Variants in DTL observed in about 807,000 individuals in gnomAD.
DTL encodes the protein denticleless protein homolog.
Under a neutral mutation model 87.0 loss-of-function variants are expected in DTL, and 46 were observed. The observed-to-expected ratio is 0.53, with a 90% CI of 0.42 to 0.68. DTL has a LOEUF of 0.68. DTL is among the 30% of genes least tolerant of loss of function. The pLI, the probability that DTL is intolerant of heterozygous loss-of-function variation, is 0.00. For missense variants in DTL, 737 were observed against 869.4 expected (o/e 0.85, Z 1.91); for synonymous variants, 308 against 311.2 (o/e 0.99, Z 0.11).
chr1:212,045,500 TAAG>T (rs1667781848), intron 3 of DTL, among the ~76,000 whole-genome samples: 2 of 152,206 alleles, frequency 1.3e-5, no homozygotes, highest in South Asian at 4.1e-4. Context: ...GTTCTAACCT[TAAG>T]AAGCTGATAA....
chr1:212,103,231 T>G lies in DTL; in HGVS notation c.*291T>G, dbSNP rs1655675085. On this transcript the variant is annotated 3_prime_UTR_variant, in exon 15 of 15. Coordinates refer to ENST00000366991, the MANE Select transcript of DTL (RefSeq NM_016448.4). ...GTCTTCACTTTTTAAATTATTCATCTTCTCTATAATAATGACATCCCAGTT... is the reference window on the plus strand; with the variant it reads ...GTCTTCACTTTTTAAATTATTCATCGTCTCTATAATAATGACATCCCAGTT... 5.6e-6 allele frequency: 1 copy of G among 177,210 alleles called. No homozygotes were observed. Among genetic ancestry groups the G allele is most frequent in the African/African-American group, 2.4e-5 (1 of 42,326 alleles). 11.0% of individuals were successfully genotyped at this position (177,210 alleles called of 1,614,324 possible).
chr1:212,070,253 A>G (rs7551276), intron 10 of DTL, among the ~76,000 whole-genome samples: 145,245 of 152,244 alleles, frequency 0.95, 69,347 homozygotes, highest in East Asian at 1. Context: ...AACCTTTTCT[A>G]TGCTTCTATT....
chr1:212,086,702 T>A (rs1025432548), intron 13 of DTL, among the ~76,000 whole-genome samples: 2 of 152,242 alleles, frequency 1.3e-5, no homozygotes, highest in African/African-American at 4.8e-5. Flanking sequence ...GTACTTTCTA[T>A]GTTATCTTTT....
At chr1:212,085,255 C>A (rs1655099653) in intron 13 of DTL, among the ~76,000 whole-genome samples, 1 of 152,160 alleles carries the variant, frequency 6.6e-6, no homozygotes, top group Non-Finnish European at 1.5e-5. Flanking sequence ...TCTAGAATAT[C>A]TTCAACACCT....
At chr1:212,049,162 A>G (rs1223793201) in intron 5 of DTL, among the ~76,000 whole-genome samples, 1 of 152,168 alleles carries the variant, frequency 6.6e-6, no homozygotes, top group Non-Finnish European at 1.5e-5. Flanking sequence ...ACCTCAAGTG[A>G]TCTGCCCGCA....
At chr1:212,063,331 C>G (rs928688960) in intron 6 of DTL, among the ~76,000 whole-genome samples, 1 of 150,818 alleles carries the variant, frequency 6.6e-6, no homozygotes, top group African/African-American at 2.4e-5. Flanking sequence ...CTCTGTCACC[C>G]AGGCTGGAGT....
chr1:212,054,083 C>A (rs919506182), intron 5 of DTL, among the ~76,000 whole-genome samples: 3 of 152,194 alleles, frequency 2.0e-5, no homozygotes, highest in Non-Finnish European at 4.4e-5. Context: ...AAGACTGTCA[C>A]ACCTACAGGA....
At chr1:212,060,392 G>A (rs1007372461) in intron 5 of DTL, among the ~76,000 whole-genome samples, 2 of 152,038 alleles carry the variant, frequency 1.3e-5, no homozygotes, top group Non-Finnish European at 2.9e-5. Context: ...GGAAAACTGG[G>A]TATCCACATG....
At position 212,035,784 on chromosome 1, in the gene DTL, G is replaced by T; in HGVS notation, c.-107G>T. On this transcript the variant is annotated 5_prime_UTR_variant, in exon 1 of 15. Transcript: ENST00000366991. ...GCCGGGGCTTACAGTGGCGGGAGTTGGAGGCGATAACGATTTGTGTTGTGA... is the reference window on the plus strand; with the variant it reads ...GCCGGGGCTTACAGTGGCGGGAGTTTGAGGCGATAACGATTTGTGTTGTGA... 9.5e-7 allele frequency: 1 copy of T among 1,050,468 alleles called. No individual in the cohort carries two copies. 65.1% of individuals were successfully genotyped at this position (1,050,468 alleles called of 1,614,324 possible).
chr1:212,057,780 G>C (rs2970598), intron 5 of DTL, among the ~76,000 whole-genome samples: 6,593 of 152,104 alleles, frequency 0.043, 191 homozygotes, highest in African/African-American at 0.074. Flanking sequence ...CATTTGAAAA[G>C]TACAGACTGG....
At chr1:212,096,873 TG>T (rs1655467334) in intron 13 of DTL, among the ~76,000 whole-genome samples, 1 of 152,236 alleles carries the variant, frequency 6.6e-6, no homozygotes, top group South Asian at 2.1e-4. Flanking sequence ...TAGAATGTTC[TG>T]TAAATACCTG....
intron 2 of DTL, among the ~76,000 whole-genome samples, chr1:212,043,461 G>A (rs982949441): frequency 2.6e-5 from 4 of 152,066 alleles, no homozygotes; most frequent in Non-Finnish European, 5.9e-5. Flanking sequence ...GTGACTCATT[G>A]GGGAATATAT....
chr1:212,085,952 G>A (rs1368941131), intron 13 of DTL, among the ~76,000 whole-genome samples: 1 of 152,096 alleles, frequency 6.6e-6, no homozygotes, highest in Non-Finnish European at 1.5e-5. Context: ...AAATGTGAGG[G>A]TTTATTTCTG....
At chr1:212,044,243 C>A (rs1254293643) in intron 2 of DTL, among the ~76,000 whole-genome samples, 1 of 152,142 alleles carries the variant, frequency 6.6e-6, no homozygotes, top group Admixed American at 6.5e-5. Context: ...TTAAGTACTA[C>A]CCTCGATTTA....
chr1:212,049,873 A>G (rs1448904673), intron 5 of DTL, among the ~76,000 whole-genome samples: 1 of 150,440 alleles, frequency 6.6e-6, no homozygotes, highest in African/African-American at 2.5e-5. Flanking sequence ...GAGGTGAAAT[A>G]TGAATACTTT....
At chr1:212,060,997 T>C (rs1359974772) in intron 5 of DTL, among the ~76,000 whole-genome samples, 1 of 152,134 alleles carries the variant, frequency 6.6e-6, no homozygotes, top group Non-Finnish European at 1.5e-5. Context: ...GGGAATAATA[T>C]GTAGAATGTA....
rs1384719452 is a variant in DTL at position 212,064,954 on chromosome 1, T to C, written c.564T>C (p.Ala188=). The C allele has an allele frequency of 1.2e-6, 2 of 1,614,088 alleles. No individual in the cohort carries two copies. Among genetic ancestry groups the C allele is most frequent in the Admixed American group, 1.7e-5 (1 of 60,020 alleles). ...FYRQVNQISG[A]HNTSDKQTPS... ...GGCAAGTGAATCAAATCAGTGGAGCTCACAATACCTCAGACAAGCAAACCC... is the reference window on the plus strand; with the variant it reads ...GGCAAGTGAATCAAATCAGTGGAGCCCACAATACCTCAGACAAGCAAACCC... The change falls in exon 7 of 15, where the codon GCT becomes GCC. Residue 188 remains alanine (A), a synonymous_variant. Transcript: ENST00000366991.
chr1:212,084,913 G>A (rs1167938094), intron 13 of DTL, among the ~76,000 whole-genome samples: 1 of 152,132 alleles, frequency 6.6e-6, no homozygotes, highest in African/African-American at 2.4e-5. Flanking sequence ...AAAGTCCACA[G>A]AAGCTCAGAT....
At chr1:212,039,578 G>A (rs1016918702) in intron 1 of DTL, among the ~76,000 whole-genome samples, 1 of 152,136 alleles carries the variant, frequency 6.6e-6, no homozygotes, top group African/African-American at 2.4e-5. Context: ...TCATCCAATT[G>A]CTTATAAATG....
Sources: allele counts gnomAD v4.1 joint callset (sites outside exome capture counted in the v4.1 genomes callset), GRCh38; gene constraint gnomAD v4.1.1; transcripts MANE v1.5; gene names NCBI Gene and HGNC (gene_info 2026-07-23, HGNC 2026-07-21).